SASS6: variants seen among roughly 807,000 people sequenced by gnomAD.
SASS6 encodes spindle assembly abnormal protein 6 homolog.
Under a neutral mutation model 94.9 loss-of-function variants are expected in SASS6, and 59 were observed. The ratio of observed to expected loss-of-function variants is 0.62; its 90% confidence interval spans 0.50 to 0.77. The LOEUF is 0.77. Among genes scored for constraint, SASS6 ranks in the 30% least tolerant of loss-of-function variants. SASS6 has a pLI of 0.00. For synonymous variants in SASS6, 264 were observed against 270.0 expected, an observed-to-expected ratio of 0.98 and a Z score of 0.22; for missense variants, 698 against 734.1, an observed-to-expected ratio of 0.95 and a Z score of 0.57.
Position 100,122,483 on chromosome 1 carries a change from A to C in SASS6, c.208T>G (p.Leu70Val). 1 of 1,378,294 alleles carries C rather than the reference A, an allele frequency of 7.3e-7. No homozygotes were observed. Among genetic ancestry groups the C allele is most frequent in the Non-Finnish European group, 1.0e-6 (1 of 974,454 alleles). 85.4% of individuals were successfully genotyped at this position (1,378,294 alleles called of 1,614,324 possible). Residue 70 changes from leucine to valine, a missense_variant and splice_region_variant, in exon 4 of 17, where the codon TTA becomes GTA. Leu to Val is a conservative substitution (Grantham distance 32). Transcript: ENST00000287482. ...ACCAGAAGACCTTGCTGGAATTTTA[A>C]ACTATACAGAAGAAAGGAAAAGAAA... ...LVISEEDFQS[L>V]KFQQGLLVDF...
At chr1:100,111,080 T>C (rs1334290085) in intron 7 of SASS6, among the ~76,000 whole-genome samples, 1 of 152,038 alleles carries the variant, frequency 6.6e-6, no homozygotes, top group African/African-American at 2.4e-5. Context: ...TTAGTAACTT[T>C]TGTTAACGAA....
chr1:100,096,587 G>A (rs1342212419), intron 14 of SASS6, among the ~76,000 whole-genome samples: 4 of 152,146 alleles, frequency 2.6e-5, no homozygotes. Flanking sequence ...GACACATTGA[G>A]AAAATGAAAA....
chr1:100,087,755 T>C (rs563393262), intron 15 of SASS6, among the ~76,000 whole-genome samples: 3 of 152,308 alleles, frequency 2.0e-5, no homozygotes, highest in Admixed American at 6.5e-5. Context: ...AATGGAGAGC[T>C]TCCAGGGACA....
intron 8 of SASS6, among the ~76,000 whole-genome samples, chr1:100,108,275 T>C (rs898397068): frequency 6.6e-6 from 1 of 152,086 alleles, no homozygotes; most frequent in Non-Finnish European, 1.5e-5. Flanking sequence ...CTTTAAAACT[T>C]TTAACAATAA....
rs112100319 is a variant in SASS6, at chr1:100,112,673, T to C, written c.670-2190A>G. On this transcript the variant is annotated intron_variant, in intron 7 of 16. Transcript: ENST00000287482. ...CATTTGTAGAAACCATCAGTAATAA[T>C]AGAAGGCAGTTTACCTGCCTCAGCA... Among the ~76,000 whole-genome samples, 984 of 152,312 alleles carry C rather than the reference T, an allele frequency of 6.5e-3. 16 individuals carry two copies. The highest frequency in any genetic ancestry group is 0.023 in the African/African-American group (954 of 41,568).
At chr1:100,122,528 A>T in intron 3 of SASS6, 44 bp from the exon 4 acceptor site, 1 of 802,834 alleles carries the variant, frequency 1.2e-6, no homozygotes, top group Non-Finnish European at 2.0e-6. Context: ...AATTTTAATT[A>T]ACTTTGTTTT....
rs1651035343 is a variant in SASS6 at position 100,083,975 on chromosome 1, A to G, written c.*1353T>C. On this transcript the variant is annotated 3_prime_UTR_variant, in exon 17 of 17. Coordinates refer to ENST00000287482, the MANE Select transcript of SASS6 (RefSeq NM_194292.3). ...CCAAGAGGCTTCTTTCCAGAATAGC[A>G]AGTGCTTTCAAGTTACTGTACCAAG... The G allele has an allele frequency of 6.6e-6, 1 of 151,966 alleles. No individual in the cohort carries two copies. Among genetic ancestry groups the G allele is most frequent in the Non-Finnish European group, 1.5e-5 (1 of 67,898 alleles). 9.4% of individuals were successfully genotyped at this position (151,966 alleles called of 1,614,324 possible). A position where few individuals can be genotyped will look rare whatever the true frequency, so the allele number is the denominator to read the frequency against.
intron 5 of SASS6, 78 bp downstream of exon 5, chr1:100,121,300 C>T (rs1056721723): frequency 2.3e-5 from 18 of 783,538 alleles, no homozygotes; most frequent in Non-Finnish European, 3.0e-5. Context: ...AAACTTATGG[C>T]AATGTATCTC....
rs757910688 is a variant in SASS6 at position 100,107,731 on chromosome 1, T to A, written c.1057-14A>T. On this transcript the variant is annotated splice_polypyrimidine_tract_variant and intron_variant, in intron 9 of 16. Transcript: ENST00000287482. ...TTCTAAAACCACCTGATATATTTTT[T>A]AAAAACATGAATAATTAGGGCATTT... is the stretch of plus-strand genomic sequence containing the variant. 1.3e-6 allele frequency: 2 copies of A among 1,572,486 alleles called. No individual in the cohort carries two copies. The highest frequency in any genetic ancestry group is 3.5e-5 in the Admixed American group (2 of 57,270).
At chr1:100,123,087 A>T (rs1654324076) in intron 3 of SASS6, 123 bp downstream of exon 3, 2 of 526,778 alleles carry the variant, frequency 3.8e-6, no homozygotes. Flanking sequence ...TAGTACAAAT[A>T]GCCCAATATT....
At chr1:100,131,745 T>C (rs1557899178) in intron 1 of SASS6, among the ~76,000 whole-genome samples, 1 of 152,244 alleles carries the variant, frequency 6.6e-6, no homozygotes, top group Non-Finnish European at 1.5e-5. Context: ...ATACTACAGT[T>C]TGACATTACT....
chr1:100,105,707 G>A, intron 13 of SASS6, 60 bp downstream of exon 13: 1 of 1,517,046 alleles, frequency 6.6e-7, no homozygotes, highest in South Asian at 1.1e-5. Context: ...CTAACAATCT[G>A]GAAATACTTT....
Position 100,132,809 on chromosome 1 carries a change from G to C in SASS6, c.6C>G (p.Ser2Arg). M[S>R]QVLFHQLVPL... ...GGACTAGTTGGTGGAACAGCACTTGGCTCATGTTGGCTCGCTGCCTCGGCT... is the reference window on the plus strand; with the variant it reads ...GGACTAGTTGGTGGAACAGCACTTGCCTCATGTTGGCTCGCTGCCTCGGCT... Residue 2 changes from serine to arginine, a missense_variant, in exon 1 of 17, where the codon AGC becomes AGG. Coordinates refer to ENST00000287482, the MANE Select transcript of SASS6 (RefSeq NM_194292.3). 1 of 1,613,966 alleles carries C rather than the reference G, an allele frequency of 6.2e-7. No individual in the cohort carries two copies. Among genetic ancestry groups the C allele is most frequent in the Non-Finnish European group, 8.5e-7 (1 of 1,179,852 alleles).
chr1:100,097,986 T>C (rs1405663260), intron 14 of SASS6, among the ~76,000 whole-genome samples: 1 of 152,122 alleles, frequency 6.6e-6, no homozygotes, highest in Non-Finnish European at 1.5e-5. Context: ...CTAGGGTACT[T>C]TTAGGGTAAT....
At chr1:100,088,456 AATTT>A (rs1256411281) in intron 14 of SASS6, among the ~76,000 whole-genome samples, 2 of 152,082 alleles carry the variant, frequency 1.3e-5, no homozygotes, top group African/African-American at 2.4e-5. Flanking sequence ...AAGTCTGGCT[AATTT>A]TTTATTTCTT....
At chr1:100,093,021 T>C (rs1216501204) in intron 14 of SASS6, among the ~76,000 whole-genome samples, 1 of 152,192 alleles carries the variant, frequency 6.6e-6, no homozygotes, top group East Asian at 1.9e-4. Flanking sequence ...TGGCAAGGTA[T>C]GTATATTGTA....
At chr1:100,111,311 C>A (rs1653312796) in intron 7 of SASS6, among the ~76,000 whole-genome samples, 1 of 151,916 alleles carries the variant, frequency 6.6e-6, no homozygotes, top group Non-Finnish European at 1.5e-5. Context: ...GAATGAATAT[C>A]AAACTATTTA....
At chr1:100,125,221 C>CAGTGTG (rs1206734175) in intron 2 of SASS6, among the ~76,000 whole-genome samples, 1 of 133,688 alleles carries the variant, frequency 7.5e-6, no homozygotes, top group African/African-American at 3.3e-5. Context: ...TACAAGGCAG[C>CAGTGTG]AGTGTGTGTG....
intron 1 of SASS6, among the ~76,000 whole-genome samples, chr1:100,130,703 A>AG (rs1553218335): frequency 5.1e-4 from 77 of 150,876 alleles, no homozygotes; most frequent in East Asian, 9.7e-4. Flanking sequence ...AAAAAAAAAA[A>AG]AGAGAGAGAG....
Sources: allele counts gnomAD v4.1 joint callset (sites outside exome capture counted in the v4.1 genomes callset), GRCh38; gene constraint gnomAD v4.1.1; transcripts MANE v1.5; gene names NCBI Gene and HGNC (gene_info 2026-07-23, HGNC 2026-07-21).